MPPE1: variants seen among roughly 807,000 people sequenced by gnomAD.
The protein encoded by MPPE1 is metallo phosphoesterase.
In MPPE1, 28 loss-of-function variants were observed where a neutral mutation model predicts 43.8. The observed-to-expected ratio is 0.64, with a 90% confidence interval of 0.47 to 0.88. The LOEUF (loss-of-function observed/expected upper bound fraction) is 0.88. Ranked by LOEUF, MPPE1 falls within the 40% of genes least tolerant of loss-of-function variation. The pLI, the probability that MPPE1 is intolerant of heterozygous loss-of-function variation, is 0.00. For missense variants in MPPE1, 428 were observed against 492.2 expected (o/e 0.87, Z 1.23); for synonymous variants, 159 against 188.5 (o/e 0.84, Z 1.28).
chr18:11,887,784 G>A (rs2037508657), intron 6 of MPPE1, among the ~76,000 whole-genome samples: 1 of 152,222 alleles, frequency 6.6e-6, no homozygotes, highest in African/African-American at 2.4e-5. Flanking sequence ...ATGATAAGCT[G>A]TTTGAAGTGT....
Sources: allele counts gnomAD v4.1 joint callset (sites outside exome capture counted in the v4.1 genomes callset), GRCh38; gene constraint gnomAD v4.1.1; transcripts MANE v1.5; gene names NCBI Gene and HGNC (gene_info 2026-07-23, HGNC 2026-07-21).